Variants in HYAL4 observed in about 807,000 individuals in gnomAD.
HYAL4 encodes hyaluronidase 4, also known as hyaluronidase-4.
In HYAL4, 37 loss-of-function variants were observed where a neutral mutation model predicts 35.2. The observed-to-expected ratio is 1.05, with a 90% CI of 0.81 to 1.38. The LOEUF is 1.38. Among genes scored for constraint, HYAL4 ranks in the 40% most tolerant of loss-of-function variants. The pLI is 0.00. For synonymous variants in HYAL4, 198 were observed against 203.2 expected (o/e 0.97, Z 0.22); for missense variants, 572 against 572.4 (o/e 1.00, Z 0.01).
the HYAL4 span, among the ~76,000 whole-genome samples, chr7:123,772,765 A>G: frequency 7.2e-5 from 11 of 152,218 alleles, no homozygotes; most frequent in African/African-American, 1.9e-4. Flanking sequence ...CTTAAAGCCA[A>G]GCTCTTCCTG....
chr7:123,869,572 T>C (rs1390026867), intron 3 of HYAL4, among the ~76,000 whole-genome samples: 1 of 152,150 alleles, frequency 6.6e-6, no homozygotes, highest in Non-Finnish European at 1.5e-5. Flanking sequence ...GGTTAGACAA[T>C]CAAAAAGGAT....
At chr7:123,800,179 T>C in the HYAL4 span, among the ~76,000 whole-genome samples, 2 of 151,072 alleles carry the variant, frequency 1.3e-5, no homozygotes, top group African/African-American at 4.9e-5. Flanking sequence ...TTTTACTTTA[T>C]TTATTTTTTT....
the HYAL4 span, among the ~76,000 whole-genome samples, chr7:123,779,731 A>G: frequency 6.6e-6 from 1 of 152,084 alleles, no homozygotes; most frequent in Non-Finnish European, 1.5e-5. Context: ...ATCAAGCTTA[A>G]TTTTCTCAGA....
the HYAL4 span, among the ~76,000 whole-genome samples, chr7:123,794,310 AT>A: frequency 1.3e-5 from 2 of 152,164 alleles, no homozygotes; most frequent in Non-Finnish European, 2.9e-5. Context: ...AGGAAAACCC[AT>A]TTTCTGTAGA....
Position 123,868,749 on chromosome 7 carries a change from C to A in HYAL4, c.476C>A (p.Ser159Ter). 6.2e-7 allele frequency: 1 copy of A among 1,613,996 alleles called. No homozygotes were observed. The highest frequency in any genetic ancestry group is 8.5e-7 in the Non-Finnish European group (1 of 1,179,994). Reference sequence around the variant, plus strand: ...CCACAGTGGGCCCGGAACTGGAACTCAAAAGATGTTTACAGACAGAAGTCA... The same window carrying A: ...CCACAGTGGGCCCGGAACTGGAACTAAAAAGATGTTTACAGACAGAAGTCA... ...WRPQWARNWNSKDVYRQKSRK... is the reference protein window; with the variant it reads ...WRPQWARNWN Residue 159 changes from serine (S) to a stop codon, truncating the protein, a stop_gained, in exon 3 of 5, where the codon TCA becomes TAA. Coordinates refer to ENST00000223026, the MANE Select transcript of HYAL4 (RefSeq NM_012269.3). LOFTEE classifies it high-confidence loss of function.
At chr7:123,872,728 T>C (rs755744709) in intron 3 of HYAL4, among the ~76,000 whole-genome samples, 8 of 152,198 alleles carry the variant, frequency 5.3e-5, no homozygotes, top group Non-Finnish European at 8.8e-5. Flanking sequence ...ATCTGTGACT[T>C]TCCTAGCTGG....
chr7:123,821,614 T>C, the HYAL4 span, among the ~76,000 whole-genome samples: 1 of 152,210 alleles, frequency 6.6e-6, no homozygotes, highest in African/African-American at 2.4e-5. Context: ...TTCATACTGC[T>C]GTTTCTTTTG....
chr7:123,870,008 A>G (rs577797874), intron 3 of HYAL4, among the ~76,000 whole-genome samples: 7 of 152,230 alleles, frequency 4.6e-5, no homozygotes, highest in Admixed American at 4.6e-4. Context: ...GGATTTGGAT[A>G]ATTTTGTGTA....
the HYAL4 span, among the ~76,000 whole-genome samples, chr7:123,817,611 A>G: frequency 6.7e-6 from 1 of 150,292 alleles, no homozygotes; most frequent in African/African-American, 2.4e-5. Context: ...CCTGGGTTCA[A>G]GTGATTCTCC....
chr7:123,765,726 A>G, the HYAL4 span, among the ~76,000 whole-genome samples: 1 of 152,166 alleles, frequency 6.6e-6, no homozygotes, highest in Non-Finnish European at 1.5e-5. Context: ...CAACTAATCT[A>G]CTACCAACAC....
At chr7:123,849,286 CCTCT>C (rs554512342) in intron 2 of HYAL4, among the ~76,000 whole-genome samples, 2 of 146,278 alleles carry the variant, frequency 1.4e-5, no homozygotes, top group African/African-American at 5.0e-5. Flanking sequence ...TCTCTCTCTC[CCTCT>C]CTCTCTCTCT....
the HYAL4 span, among the ~76,000 whole-genome samples, chr7:123,799,967 C>T: frequency 1.3e-5 from 2 of 151,740 alleles, no homozygotes; most frequent in African/African-American, 2.4e-5. Context: ...TCGAGACCCA[C>T]CTGGGCAACA....
intron 2 of HYAL4, among the ~76,000 whole-genome samples, chr7:123,857,697 C>CTTTGTTTGTTTG (rs1237776132): frequency 8.1e-6 from 1 of 123,578 alleles, no homozygotes; most frequent in Non-Finnish European, 2.0e-5. Flanking sequence ...TTCTTTCTTT[C>CTTTGTTTGTTTG]TTTCTTTCTT....
At position 123,868,690 on chromosome 7, in the gene HYAL4, T is replaced by C. The variant is rs949606882; in HGVS notation, c.417T>C (p.Ser139=). Residue 139 remains serine (S), a synonymous_variant, in exon 3 of 5, where the codon AGT becomes AGC. Coordinates refer to ENST00000223026, the MANE Select transcript of HYAL4 (RefSeq NM_012269.3). ...INYYIPAEDF[S]GLAVIDWEYW... ...ATTACATCCCTGCTGAAGATTTCAGTGGACTTGCTGTTATAGATTGGGAAT... is the reference window on the plus strand; with the variant it reads ...ATTACATCCCTGCTGAAGATTTCAGCGGACTTGCTGTTATAGATTGGGAAT... 4.7e-5 allele frequency: 76 copies of C among 1,613,496 alleles called. No individual in the cohort carries two copies. The highest frequency in any genetic ancestry group is 6.3e-5 in the Non-Finnish European group (74 of 1,179,904).
chr7:123,852,017 G>T (rs924162618), intron 2 of HYAL4, among the ~76,000 whole-genome samples: 3 of 151,494 alleles, frequency 2.0e-5, no homozygotes, highest in African/African-American at 4.8e-5. Flanking sequence ...TTTCATCTTT[G>T]TTGGCCACAT....
Position 123,853,712 on chromosome 7 carries a change from G to A in HYAL4, c.-52+5554G>A, listed in dbSNP as rs181442132. Among the ~76,000 whole-genome samples the A allele has an allele frequency of 3.4e-4, 52 of 152,260 alleles. No individual in the cohort carries two copies. The East Asian group carries it at 8.5e-3, about 25-fold the overall frequency. ...GTTGTTGTTGTTGTGTCTCTGGCAG[G>A]TTTTGATATCAGGATGATGCTGGCC... On this transcript the variant is annotated intron_variant, in intron 2 of 4. Coordinates refer to ENST00000223026, the MANE Select transcript of HYAL4 (RefSeq NM_012269.3).
At chr7:123,801,830 G>A in the HYAL4 span, among the ~76,000 whole-genome samples, 78 of 152,238 alleles carry the variant, frequency 5.1e-4, no homozygotes, top group Non-Finnish European at 1.9e-4. Flanking sequence ...GTATTAAAAT[G>A]TGCACTACTA....
Position 123,868,470 on chromosome 7 carries a change from G to A in HYAL4, c.197G>A (p.Arg66Lys). 5 of 1,604,446 alleles carry A rather than the reference G, an allele frequency of 3.1e-6. No homozygotes were observed. Among genetic ancestry groups the A allele is most frequent in the Non-Finnish European group, 4.2e-6 (5 of 1,177,700 alleles). Residue 66 changes from arginine to lysine, a missense_variant, in exon 3 of 5, where the codon AGA (arginine) becomes AAA (lysine). Arg to Lys is a conservative substitution (Grantham distance 26). Coordinates refer to ENST00000223026, the MANE Select transcript of HYAL4 (RefSeq NM_012269.3). ...CAGTGTTTGATAAAATATAATTTAA[G>A]ACTAAATTTGAAAATGTTTCCTGTG... ...TDQCLIKYNLRLNLKMFPVIG... is the reference protein window; with the variant it reads ...TDQCLIKYNLKLNLKMFPVIG...
the HYAL4 span, among the ~76,000 whole-genome samples, chr7:123,812,613 A>G: frequency 6.6e-6 from 1 of 152,200 alleles, no homozygotes; most frequent in Non-Finnish European, 1.5e-5. Flanking sequence ...TTGTATTTTT[A>G]GGCCCTTTGG....
Sources: gnomAD v4.1 joint callset for allele counts (sites outside exome capture counted in the v4.1 genomes callset) on GRCh38, gnomAD v4.1.1 for gene constraint, MANE v1.5 for transcripts, NCBI Gene and HGNC (gene_info 2026-07-23, HGNC 2026-07-21) for gene names.